ORMDL3: variants seen among roughly 807,000 people sequenced by gnomAD.
The protein encoded by ORMDL3 is ORMDL sphingolipid biosynthesis regulator 3, also known as ORM1-like protein 3.
ORMDL3 carries 6 observed loss-of-function variants against 12.6 expected under a neutral mutation model. The observed-to-expected ratio is 0.48, with a 90% CI of 0.26 to 0.94. The LOEUF (loss-of-function observed/expected upper bound fraction) is 0.94. ORMDL3 is among the 40% of genes least tolerant of loss of function. The probability of loss-of-function intolerance (pLI) is 0.14; values close to 1 mark genes in which losing one functional copy is unlikely to be tolerated. For synonymous variants in ORMDL3, 99 were observed against 87.2 expected, an observed-to-expected ratio of 1.14 and a Z score of -0.75; for missense variants, 159 against 205.5, an observed-to-expected ratio of 0.77 and a Z score of 1.38.
chr17:39,926,684 C>T, intron 1 of ORMDL3: 1 of 717,770 alleles, frequency 1.4e-6, no homozygotes, highest in Non-Finnish European at 1.7e-6. Context: ...ACCCTCTTGG[C>T]TCCACATACA....
chr17:39,923,319 C>T lies in ORMDL3; in HGVS notation c.175-56G>A, dbSNP rs1041251473. Reference sequence around the variant, plus strand: ...AAAAGGGAAAGGCCCCCCTGCCCAGCTCCTCCACCCAGTCACAGACACAAG... The same window carrying T: ...AAAAGGGAAAGGCCCCCCTGCCCAGTTCCTCCACCCAGTCACAGACACAAG... On this transcript the variant is annotated intron_variant, in intron 2 of 3. Transcript: ENST00000304046. 2.5e-6 allele frequency: 4 copies of T among 1,575,158 alleles called. No individual in the cohort carries two copies. The African/African-American group carries it at 4.1e-5, about 16-fold the overall frequency.
chr17:39,922,437 C>T lies in ORMDL3; in HGVS notation c.*113G>A. Reference sequence around the variant, plus strand: ...GGGGGAAATTAGGCCAGAGGCTCAACCCCCATCTCTGGCAGTGTCCAGAGG... The same window carrying T: ...GGGGGAAATTAGGCCAGAGGCTCAATCCCCATCTCTGGCAGTGTCCAGAGG... On this transcript the variant is annotated 3_prime_UTR_variant, in exon 4 of 4. Coordinates refer to ENST00000304046, the MANE Select transcript of ORMDL3 (RefSeq NM_139280.4). The T allele has an allele frequency of 7.7e-7, 1 of 1,295,638 alleles. No individual in the cohort carries two copies. The highest frequency in any genetic ancestry group is 1.5e-5 in the South Asian group (1 of 67,302). The allele number at this position is 1,295,638 out of a possible 1,614,324, so 80.3% of individuals were successfully genotyped here.
chr17:39,922,272 C>T lies in ORMDL3; in HGVS notation c.*278G>A. 3.3e-6 allele frequency: 1 copy of T among 305,986 alleles called. No homozygotes were observed. The highest frequency in any genetic ancestry group is 6.1e-6 in the Non-Finnish European group (1 of 163,436). The allele number at this position is 305,986 out of a possible 1,614,324, so 19.0% of individuals were successfully genotyped here. A position where few individuals can be genotyped will look rare whatever the true frequency, so the allele number is the denominator to read the frequency against. On this transcript the variant is annotated 3_prime_UTR_variant, in exon 4 of 4. Coordinates refer to ENST00000304046, the MANE Select transcript of ORMDL3 (RefSeq NM_139280.4). ...TCCATGTTCAGCCCAGGAGCCCAGC[C>T]CATTCCATGACCAACTCCATGGAGT...
At position 39,922,418 on chromosome 17, in the gene ORMDL3, A is replaced by C; in HGVS notation, c.*132T>G. The C allele has an allele frequency of 8.6e-7, 1 of 1,157,966 alleles. No homozygotes were observed. The highest frequency in any genetic ancestry group is 1.2e-6 in the Non-Finnish European group (1 of 836,648). The allele number at this position is 1,157,966 out of a possible 1,614,324, so 71.7% of individuals were successfully genotyped here. The stretch of plus-strand genomic sequence containing the variant: ...GGCTACTGGGGGAAGCGAGGGGGGA[A>C]ATTAGGCCAGAGGCTCAACCCCCAT... On this transcript the variant is annotated 3_prime_UTR_variant, in exon 4 of 4. Coordinates refer to ENST00000304046, the MANE Select transcript of ORMDL3 (RefSeq NM_139280.4).
Position 39,922,574 on chromosome 17 carries a change from C to G in ORMDL3, c.438G>C (p.Arg146=), listed in dbSNP as rs1276696176. The G allele has an allele frequency of 6.2e-7, 1 of 1,614,144 alleles. No individual in the cohort carries two copies. Among genetic ancestry groups the G allele is most frequent in the South Asian group, 1.1e-5 (1 of 91,088 alleles). ...CTCAGTACTTATTGATTCCAAAAAT[C>G]CGGACTCCGTGGAGCTGGGGCAGCT... The part of the protein sequence containing the change: ...IPKLPQLHGV[R]IFGINKY The change falls in exon 4 of 4, where the codon CGG becomes CGC. Residue 146 remains arginine (R), a synonymous_variant. Transcript: ENST00000304046.
In ORMDL3 at chr17:39,927,476, G is replaced by A. The variant is rs1978498069; in HGVS notation, c.-23+8C>T. The stretch of plus-strand genomic sequence containing the variant: ...GCCCTGGGGCCTCTTGGTTCCTTCC[G>A]GGCTCACCGTGTGGGGCCGAAGATC... On this transcript the variant is annotated splice_region_variant and intron_variant, in intron 1 of 3. Coordinates refer to ENST00000304046, the MANE Select transcript of ORMDL3 (RefSeq NM_139280.4). 2.3e-5 allele frequency: 23 copies of A among 985,086 alleles called. No individual in the cohort carries two copies. The highest frequency in any genetic ancestry group is 2.8e-5 in the Non-Finnish European group (23 of 829,928). The allele number at this position is 985,086 out of a possible 1,614,324, so 61.0% of individuals were successfully genotyped here. A position where few individuals can be genotyped will look rare whatever the true frequency, so the allele number is the denominator to read the frequency against.
Position 39,922,380 on chromosome 17 carries a change from G to A in ORMDL3, c.*170C>T. On this transcript the variant is annotated 3_prime_UTR_variant, in exon 4 of 4. Transcript: ENST00000304046. Reference sequence around the variant, plus strand: ...GGGGCCTACCCCAACCCCACTACAAGCTACTCCAAGTTGGCTACTGGGGGA... The same window carrying A: ...GGGGCCTACCCCAACCCCACTACAAACTACTCCAAGTTGGCTACTGGGGGA... 1.2e-6 allele frequency: 1 copy of A among 802,708 alleles called. No homozygotes were observed. The highest frequency in any genetic ancestry group is 2.0e-6 in the Non-Finnish European group (1 of 510,822). 49.7% of individuals were successfully genotyped at this position (802,708 alleles called of 1,614,324 possible). A position where few individuals can be genotyped will look rare whatever the true frequency, so the allele number is the denominator to read the frequency against.
intron 1 of ORMDL3, chr17:39,926,876 G>A (rs920661279): frequency 1.0e-6 from 1 of 986,138 alleles, no homozygotes; most frequent in Non-Finnish European, 1.2e-6. Context: ...CCCCAACGGG[G>A]AGTCCGGGGC....
chr17:39,922,619 C>A lies in ORMDL3; in HGVS notation c.393G>T (p.Leu131=), dbSNP rs770081901. 3.7e-6 allele frequency: 6 copies of A among 1,614,070 alleles called. No individual in the cohort carries two copies. In the East Asian group the frequency reaches 1.3e-4, roughly 36 times the overall value. The change falls in exon 4 of 4, where the codon CTG becomes CTT. Residue 131 remains leucine (L), a synonymous_variant. Transcript: ENST00000304046. The part of the protein sequence containing the change: ...QIHFVLNTVS[L]MSVLIPKLPQ... Reference sequence around the variant, plus strand: ...GCAGCTTGGGGATAAGCACGCTCATCAGGGACACGGTGTTGAGCACAAAAT... The same window carrying A: ...GCAGCTTGGGGATAAGCACGCTCATAAGGGACACGGTGTTGAGCACAAAAT...
At chr17:39,925,668 G>C (rs550120788) in intron 1 of ORMDL3, 1 of 152,276 alleles carries the variant, frequency 6.6e-6, no homozygotes, top group Non-Finnish European at 1.5e-5. Flanking sequence ...TTACTTCCAG[G>C]ATAACAGGAG....
At position 39,922,594 on chromosome 17, in the gene ORMDL3, G is replaced by A. The variant is rs1195867275; in HGVS notation, c.418C>T (p.Pro140Ser). 6.2e-7 allele frequency: 1 copy of A among 1,614,154 alleles called. No individual in the cohort carries two copies. Among genetic ancestry groups the A allele is most frequent in the East Asian group, 2.2e-5 (1 of 44,832 alleles). The change falls in exon 4 of 4, where the codon CCC (proline) becomes TCC (serine). Residue 140 changes from proline to serine, a missense_variant. Pro to Ser is a moderately conservative substitution (Grantham distance 74). Transcript: ENST00000304046. ...SLMSVLIPKLPQLHGVRIFGI... is the reference protein window; with the variant it reads ...SLMSVLIPKLSQLHGVRIFGI... Reference sequence around the variant, plus strand: ...AAAATCCGGACTCCGTGGAGCTGGGGCAGCTTGGGGATAAGCACGCTCATC... The same window carrying A: ...AAAATCCGGACTCCGTGGAGCTGGGACAGCTTGGGGATAAGCACGCTCATC...
intron 2 of ORMDL3, 127 bp from the exon 3 acceptor site, chr17:39,923,390 T>C: frequency 1.8e-6 from 2 of 1,094,378 alleles, no homozygotes; most frequent in Non-Finnish European, 2.7e-6. Flanking sequence ...CAGGGGGATA[T>C]GGGCTGGAGG....
chr17:39,922,684 A>G lies in ORMDL3; in HGVS notation c.328T>C (p.Tyr110His). 2 of 1,612,766 alleles carry G rather than the reference A, an allele frequency of 1.2e-6. No individual in the cohort carries two copies. The highest frequency in any genetic ancestry group is 1.7e-6 in the Non-Finnish European group (2 of 1,179,086). Residue 110 changes from tyrosine (Y) to histidine (H), a missense_variant and splice_region_variant, in exon 4 of 4, where the codon TAC becomes CAC. Physicochemically the swap from Tyr to His is moderately conservative, Grantham distance 83. Transcript: ENST00000304046. ...KFLTITPIVL[Y>H]FLTSFYTKYD... ...TTAGTGTAGAAGCTGGTGAGGAAGT[A>G]CCTGGGAGGGGAAGGGTGGGGAGAG...
chr17:39,927,479 C>A lies in ORMDL3; in HGVS notation c.-23+5G>T. On this transcript the variant is annotated splice_donor_5th_base_variant and intron_variant, in intron 1 of 3. Transcript: ENST00000304046. The stretch of plus-strand genomic sequence containing the variant: ...CTGGGGCCTCTTGGTTCCTTCCGGG[C>A]TCACCGTGTGGGGCCGAAGATCAAC... The A allele has an allele frequency of 1.0e-6, 1 of 985,420 alleles. No individual in the cohort carries two copies. Among genetic ancestry groups the A allele is most frequent in the South Asian group, 4.7e-5 (1 of 21,308 alleles). The allele number at this position is 985,420 out of a possible 1,614,324, so 61.0% of individuals were successfully genotyped here.
intron 1 of ORMDL3, among the ~76,000 whole-genome samples, chr17:39,924,575 C>A (rs1978328365): frequency 6.6e-6 from 1 of 152,188 alleles, no homozygotes; most frequent in African/African-American, 2.4e-5. Context: ...GGACCCTCTG[C>A]CGACAAAGCC....
At chr17:39,926,979 G>A in intron 1 of ORMDL3, 1 of 985,790 alleles carries the variant, frequency 1.0e-6, no homozygotes. Flanking sequence ...CACCCCGACT[G>A]GGGGAGGGCG....
At chr17:39,923,383 G>A (rs1461312877) in intron 2 of ORMDL3, 120 bp from the exon 3 acceptor site, 4 of 1,149,126 alleles carry the variant, frequency 3.5e-6, no homozygotes, top group Non-Finnish European at 5.0e-6. Flanking sequence ...TGCTGGGCAG[G>A]GGGATATGGG....
intron 3 of ORMDL3, 35 bp from the exon 4 acceptor site, chr17:39,922,720 C>A (rs1208812543): frequency 1.2e-5 from 20 of 1,604,390 alleles, no homozygotes; most frequent in African/African-American, 4.0e-5. Context: ...ATATAAAAGA[C>A]TGTTGGGAGG....
Position 39,923,198 on chromosome 17 carries a change from C to T in ORMDL3, c.240G>A (p.Ala80=), listed in dbSNP as rs369913328. 11 of 1,614,074 alleles carry T rather than the reference C, an allele frequency of 6.8e-6. No individual in the cohort carries two copies. In the African/African-American group the frequency reaches 1.1e-4, roughly 16 times the overall value. The change falls in exon 3 of 4, where the codon GCG becomes GCA. Residue 80 remains alanine (A), a synonymous_variant. Coordinates refer to ENST00000304046, the MANE Select transcript of ORMDL3 (RefSeq NM_139280.4). ...TCTGCTCCCAGTGGGTTAGCAGCCTCGCCTTGCCCTGGTCCGGGGTCTCAA... is the reference window on the plus strand; with the variant it reads ...TCTGCTCCCAGTGGGTTAGCAGCCTTGCCTTGCCCTGGTCCGGGGTCTCAA... ...TPFETPDQGK[A]RLLTHWEQMD...
Sources: gnomAD v4.1 joint callset for allele counts (sites outside exome capture counted in the v4.1 genomes callset) on GRCh38, gnomAD v4.1.1 for gene constraint, MANE v1.5 for transcripts, NCBI Gene and HGNC (gene_info 2026-07-23, HGNC 2026-07-21) for gene names.